The following ERI1 variants were observed in gnomAD, a reference collection of about 807,000 sequenced individuals.
ERI1 encodes exoribonuclease 1.
Under a neutral mutation model 39.7 loss-of-function variants are expected in ERI1, and 39 were observed. That is an observed-to-expected ratio of 0.98 (90% confidence interval 0.76 to 1.28). ERI1 has a LOEUF of 1.28. Among genes scored for constraint, ERI1 ranks in the 50% most tolerant of loss-of-function variants. The pLI is 0.00. For missense variants in ERI1, 581 were observed against 416.9 expected (o/e 1.39, Z -3.43); for synonymous variants, 204 against 149.6 (o/e 1.36, Z -2.65).
chr8:9,033,582 C>T (rs970812837), downstream of ERI1, among the ~76,000 whole-genome samples: 1 of 146,080 alleles, frequency 6.8e-6, no homozygotes, highest in Non-Finnish European at 1.5e-5. Context: ...TACAATGATA[C>T]TTGCATCAGA....
intron 6 of ERI1, among the ~76,000 whole-genome samples, chr8:9,023,312 A>G (rs189155660): frequency 6.6e-6 from 1 of 151,860 alleles, no homozygotes; most frequent in African/African-American, 2.4e-5. Context: ...TGTCTTTTGT[A>G]TTTCATGTCA....
chr8:9,027,175 G>A lies in ERI1; in HGVS notation c.808-2617G>A, dbSNP rs111394594. Reference sequence around the variant, plus strand: ...TGTGTGTGTGTGTGTGTGTGTGTGTGTGTTTATGGCCATTCTAATGGGTGT... The same window carrying A: ...TGTGTGTGTGTGTGTGTGTGTGTGTATGTTTATGGCCATTCTAATGGGTGT... On this transcript the variant is annotated intron_variant, in intron 6 of 6. Transcript: ENST00000250263. 2.7e-3 allele frequency among the ~76,000 whole-genome samples: 408 copies of A among 151,140 alleles called. 1 individual carries two copies. The highest frequency in any genetic ancestry group is 9.0e-3 in the African/African-American group (373 of 41,320).
At chr8:9,052,851 G>A (rs1798403212) in intron 3 of ERI1, among the ~76,000 whole-genome samples, 1 of 152,094 alleles carries the variant, frequency 6.6e-6, no homozygotes. Context: ...GTGAATCAAG[G>A]TGGGCCCTTA....
intron 3 of ERI1, among the ~76,000 whole-genome samples, chr8:9,067,410 G>C (rs926030541): frequency 6.6e-6 from 1 of 150,764 alleles, no homozygotes; most frequent in African/African-American, 2.5e-5. Flanking sequence ...GTGTGTGTGT[G>C]TGTGTGTGTG....
At chr8:9,017,904 T>G (rs1262088455) in intron 4 of ERI1, among the ~76,000 whole-genome samples, 2 of 152,172 alleles carry the variant, frequency 1.3e-5, no homozygotes, top group Non-Finnish European at 2.9e-5. Flanking sequence ...CAGCAGTATG[T>G]AGTATGCGTG....
In ERI1 at chr8:9,006,876, G is replaced by A. The variant is rs148852476; in HGVS notation, c.109-1094G>A. ...AATTGAGAGCTTAGAGTAAGAAATG[G>A]TTCCTGAACCATCAGGATCAGTTCT... On this transcript the variant is annotated intron_variant, in intron 1 of 6. Coordinates refer to ENST00000250263, the MANE Select transcript of ERI1 (RefSeq NM_153332.4). Among the ~76,000 whole-genome samples, 249 of 152,242 alleles carry A rather than the reference G, an allele frequency of 1.6e-3. 1 individual carries two copies. Among genetic ancestry groups the A allele is most frequent in the Non-Finnish European group, 2.8e-3 (189 of 68,018 alleles).
chr8:9,091,796 A>G (rs749682128), intron 3 of ERI1, among the ~76,000 whole-genome samples: 5 of 152,200 alleles, frequency 3.3e-5, no homozygotes, highest in Non-Finnish European at 5.9e-5. Context: ...TTGGGAGTCA[A>G]GTCAAGTTTC....
chr8:9,008,235 T>A, intron 2 of ERI1, 87 bp downstream of exon 2: 1 of 1,158,716 alleles, frequency 8.6e-7, no homozygotes, highest in Non-Finnish European at 1.2e-6. Context: ...AAAAATCATC[T>A]GTAATCCTAC....
intron 1 of ERI1, among the ~76,000 whole-genome samples, chr8:9,005,604 T>C (rs1815916094): frequency 6.7e-6 from 1 of 148,978 alleles, no homozygotes; most frequent in Non-Finnish European, 1.5e-5. Flanking sequence ...AAGCTCCGCC[T>C]CACGGGTTCA....
At position 9,072,021 on chromosome 8, in the gene ERI1, G is replaced by A. The variant is rs564682312; in HGVS notation, n.300-44327G>A. ...GTCGAGGCTGCAGTGAGTGGAGATT[G>A]CACCACTGCATTCCAGCCTGGGTGA... On this transcript the variant is annotated intron_variant and non_coding_transcript_variant, in intron 3 of 3. Transcript: ENST00000518663. Among the ~76,000 whole-genome samples the A allele has an allele frequency of 3.9e-5, 6 of 152,292 alleles. No homozygotes were observed. The South Asian group carries it at 1.2e-3, about 32-fold the overall frequency.
intron 3 of ERI1, among the ~76,000 whole-genome samples, chr8:9,042,888 A>C (rs1347100229): frequency 6.6e-6 from 1 of 152,228 alleles, no homozygotes; most frequent in Non-Finnish European, 1.5e-5. Context: ...CTCAACCTAC[A>C]CGTGCACCTG....
At chr8:9,073,668 A>T (rs1799124510) in intron 3 of ERI1, among the ~76,000 whole-genome samples, 2 of 152,222 alleles carry the variant, frequency 1.3e-5, no homozygotes, top group Non-Finnish European at 2.9e-5. Context: ...TTCTTCTGGT[A>T]TGAAATAATT....
At chr8:9,007,633 C>A (rs941075365) in intron 1 of ERI1, among the ~76,000 whole-genome samples, 1 of 152,162 alleles carries the variant, frequency 6.6e-6, no homozygotes, top group African/African-American at 2.4e-5. Flanking sequence ...GAGGCTAATA[C>A]GTAGCTATCC....
intron 3 of ERI1, among the ~76,000 whole-genome samples, chr8:9,044,669 TAGAA>T (rs1798123900): frequency 6.6e-6 from 1 of 151,830 alleles, no homozygotes; most frequent in Non-Finnish European, 1.5e-5. Context: ...ATCATGACAT[TAGAA>T]AGAGAAGCAA....
intron 3 of ERI1, among the ~76,000 whole-genome samples, chr8:9,064,550 A>T (rs1226209700): frequency 6.6e-6 from 1 of 152,146 alleles, no homozygotes; most frequent in South Asian, 2.1e-4. Context: ...AATTAAGAGA[A>T]GTGAGAGATT....
chr8:9,035,381 G>T (rs911521958), downstream of ERI1, among the ~76,000 whole-genome samples: 1 of 152,220 alleles, frequency 6.6e-6, no homozygotes, highest in South Asian at 2.1e-4. Flanking sequence ...AAGGGCTAAT[G>T]TAGCTGGTTT....
intron 5 of ERI1, among the ~76,000 whole-genome samples, chr8:9,018,714 A>G (rs1316586408): frequency 6.6e-6 from 1 of 152,180 alleles, no homozygotes; most frequent in Non-Finnish European, 1.5e-5. Flanking sequence ...CTTGGCCTTG[A>G]AGCCTCTTTC....
rs202018684 is a variant in ERI1 at position 9,018,305 on chromosome 8, A to T, written c.591A>T (p.Val197=). 1.9e-6 allele frequency: 3 copies of T among 1,606,344 alleles called. No individual in the cohort carries two copies. The African/African-American group carries it at 4.0e-5, about 21-fold the overall frequency. ...ISLTGITQDQ[V]DRADTFPQVL... is the part of the protein sequence containing the mutation. ...TACTTTTATATCCTCAGGATCAGGT[A>T]GACAGAGCTGATACCTTCCCTCAGG... Residue 197 remains valine (V), a synonymous_variant, in exon 5 of 7, where the codon GTA becomes GTT. Transcript: ENST00000250263.
At chr8:9,085,264 A>C (rs1799489220) in intron 3 of ERI1, among the ~76,000 whole-genome samples, 3 of 152,136 alleles carry the variant, frequency 2.0e-5, no homozygotes, top group Admixed American at 6.5e-5. Context: ...GCTGGAGTGC[A>C]ATGACATGGT....
Sources: gnomAD v4.1 joint callset for allele counts (sites outside exome capture counted in the v4.1 genomes callset) on GRCh38, gnomAD v4.1.1 for gene constraint, MANE v1.5 for transcripts, NCBI Gene and HGNC (gene_info 2026-07-23, HGNC 2026-07-21) for gene names.